PHF21A: variants seen among roughly 807,000 people sequenced by gnomAD.
The protein encoded by PHF21A is PHD finger protein 21A.
Under a neutral mutation model 82.5 loss-of-function variants are expected in PHF21A, and 11 were observed. The ratio of observed to expected loss-of-function variants is 0.13; its 90% CI spans 0.08 to 0.22. The LOEUF is 0.22. PHF21A is among the 10% of genes least tolerant of loss of function. The pLI, the probability that PHF21A is intolerant of heterozygous loss-of-function variation, is 1.00. For synonymous variants in PHF21A, 297 were observed against 302.8 expected (o/e 0.98, Z 0.20); for missense variants, 579 against 837.8 (o/e 0.69, Z 3.81).
At chr11:46,111,121 G>A (rs533499006) in intron 1 of PHF21A, among the ~76,000 whole-genome samples, 1 of 151,400 alleles carries the variant, frequency 6.6e-6, no homozygotes, top group African/African-American at 2.4e-5. Context: ...ATGTGGGGGG[G>A]GAGGCTAGTA....
intron 9 of PHF21A, among the ~76,000 whole-genome samples, chr11:45,968,015 T>C (rs79135806): frequency 0.036 from 5,490 of 152,300 alleles, 276 homozygotes; most frequent in African/African-American, 0.11. Flanking sequence ...TTGAAAAACA[T>C]GGACTAAACC....
At position 46,049,689 on chromosome 11, in the gene PHF21A, C is replaced by T. The variant is rs980732717; in HGVS notation, c.153+27065G>A. On this transcript the variant is annotated intron_variant, in intron 6 of 18. Coordinates refer to ENST00000676320, the MANE Select transcript of PHF21A (RefSeq NM_001352027.3). ...ACAGCTGCAAGTGACAAAGAGCAGC[C>T]GCTGTCCTACTCAGGGGGTCCCCTC... Among the ~76,000 whole-genome samples the T allele has an allele frequency of 7.2e-5, 11 of 152,320 alleles. 1 individual carries two copies. In the South Asian group the frequency reaches 1.7e-3, roughly 23 times the overall value.
At chr11:45,982,150 T>A (rs1259887897) in intron 6 of PHF21A, among the ~76,000 whole-genome samples, 2 of 152,034 alleles carry the variant, frequency 1.3e-5, no homozygotes, top group African/African-American at 4.8e-5. Flanking sequence ...AGAGATGGGG[T>A]TTCGCCATGT....
intron 10 of PHF21A, among the ~76,000 whole-genome samples, chr11:45,962,030 A>ATT (rs1031388729): frequency 2.0e-4 from 30 of 152,288 alleles, no homozygotes; most frequent in African/African-American, 7.0e-4. Context: ...TATAACTGGC[A>ATT]TTGCCTTCTC....
At chr11:45,985,856 G>T (rs1029989541) in intron 6 of PHF21A, among the ~76,000 whole-genome samples, 1 of 151,956 alleles carries the variant, frequency 6.6e-6, no homozygotes, top group African/African-American at 2.4e-5. Flanking sequence ...GAGATTTGGG[G>T]ACATAATTAT....
intron 6 of PHF21A, among the ~76,000 whole-genome samples, chr11:46,023,747 G>A (rs2095679116): frequency 6.6e-6 from 1 of 152,218 alleles, no homozygotes; most frequent in African/African-American, 2.4e-5. Context: ...CCTGAGGTCA[G>A]GAGTTTGAGA....
At chr11:46,049,340 T>TCA (rs2096308986) in intron 6 of PHF21A, 1 of 420,876 alleles carries the variant, frequency 2.4e-6, no homozygotes, top group Admixed American at 2.8e-5. Flanking sequence ...AGTTATGAAA[T>TCA]TTCTTATGCC....
intron 10 of PHF21A, among the ~76,000 whole-genome samples, chr11:45,962,879 C>T (rs1050201405): frequency 6.6e-6 from 1 of 150,584 alleles, no homozygotes; most frequent in South Asian, 2.1e-4. Context: ...GGCGACAGAG[C>T]GAGACTCTGT....
intron 14 of PHF21A, among the ~76,000 whole-genome samples, chr11:45,946,678 T>C (rs1447910234): frequency 6.6e-6 from 1 of 152,158 alleles, no homozygotes; most frequent in Non-Finnish European, 1.5e-5. Flanking sequence ...CCTGGCCGAA[T>C]TTATTATTTT....
In PHF21A at chr11:45,953,718, G is replaced by A. The variant is rs948370870; in HGVS notation, c.997-93C>T. 4.0e-6 allele frequency: 3 copies of A among 749,050 alleles called. No individual in the cohort carries two copies. In the African/African-American group the frequency reaches 5.3e-5, roughly 13 times the overall value. The allele number at this position is 749,050 out of a possible 1,614,324, so 46.4% of individuals were successfully genotyped here. A position where few individuals can be genotyped will look rare whatever the true frequency, so the allele number is the denominator to read the frequency against. On this transcript the variant is annotated intron_variant, in intron 10 of 18. Transcript: ENST00000676320. ...TTTAATAGTAGTAGTCAAGAAGAAA[G>A]AAGACAACATATTCAAATGTGGAAC... is the stretch of plus-strand genomic sequence containing the variant.
At chr11:45,946,675 G>A (rs184751694) in intron 14 of PHF21A, among the ~76,000 whole-genome samples, 8 of 152,156 alleles carry the variant, frequency 5.3e-5, no homozygotes, top group South Asian at 2.1e-4. Context: ...GCACCTGGCC[G>A]AATTTATTAT....
chr11:46,079,510 C>T (rs1328640954), intron 4 of PHF21A, among the ~76,000 whole-genome samples: 1 of 152,214 alleles, frequency 6.6e-6, no homozygotes, highest in East Asian at 1.9e-4. Flanking sequence ...GAGTCCCAAA[C>T]AAGGCCTGGA....
chr11:46,072,825 GA>G (rs1459493623), intron 6 of PHF21A, among the ~76,000 whole-genome samples: 3 of 152,142 alleles, frequency 2.0e-5, no homozygotes, highest in Non-Finnish European at 4.4e-5. Flanking sequence ...CTGCAACCAC[GA>G]TGGCTTAACC....
In PHF21A at chr11:45,955,830, A is replaced by G. The variant is rs538343644; in HGVS notation, c.997-2205T>C. ...GGAGAGGCCCAGGTGTGAGGAACGGAACCTCCAGCCAACAGCCAGTGAAGA... is the reference window on the plus strand; with the variant it reads ...GGAGAGGCCCAGGTGTGAGGAACGGGACCTCCAGCCAACAGCCAGTGAAGA... On this transcript the variant is annotated intron_variant, in intron 10 of 18. Coordinates refer to ENST00000676320, the MANE Select transcript of PHF21A (RefSeq NM_001352027.3). 4.6e-5 allele frequency among the ~76,000 whole-genome samples: 7 copies of G among 152,320 alleles called. No individual in the cohort carries two copies. The East Asian group carries it at 1.4e-3, about 29-fold the overall frequency.
rs60788619 is a variant in PHF21A, at chr11:46,121,181, ACT to A, written c.-485_-484del. 0.024 allele frequency: 2,973 copies of A among 126,324 alleles called. 52 individuals are homozygous for A. Among genetic ancestry groups the A allele is most frequent in the Non-Finnish European group, 0.032 (1,958 of 61,498 alleles). The allele number at this position is 126,324 out of a possible 1,614,324, so 7.8% of individuals were successfully genotyped here. ...CTCTCCTCTCCTCTCTCTCTCACTC[ACT>A]CTCTCTCTCTCTCTCTCTCTGGGCT... On this transcript the variant is annotated 5_prime_UTR_variant, in exon 1 of 19. Coordinates refer to ENST00000676320, the MANE Select transcript of PHF21A (RefSeq NM_001352027.3).
At chr11:46,081,307 A>G (rs2096788280) in intron 4 of PHF21A, among the ~76,000 whole-genome samples, 1 of 152,316 alleles carries the variant, frequency 6.6e-6, no homozygotes, top group African/African-American at 2.4e-5. Context: ...GAAACAATAC[A>G]TATTCCAAGA....
chr11:46,068,174 C>T (rs1229460796), intron 6 of PHF21A, among the ~76,000 whole-genome samples: 1 of 152,106 alleles, frequency 6.6e-6, no homozygotes, highest in Admixed American at 6.5e-5. Context: ...TAGGTCATAA[C>T]CAGTCACATG....
intron 1 of PHF21A, among the ~76,000 whole-genome samples, chr11:46,094,273 T>G (rs1016959648): frequency 9.9e-5 from 15 of 152,150 alleles, no homozygotes; most frequent in African/African-American, 3.6e-4. Context: ...GATAAAGAAT[T>G]TTGCCATGAT....
chr11:46,104,160 A>AGG (rs1302552225), intron 1 of PHF21A, among the ~76,000 whole-genome samples: 1 of 152,246 alleles, frequency 6.6e-6, no homozygotes, highest in East Asian at 1.9e-4. Context: ...GCCCATCATT[A>AGG]TTAGAAAGCA....
Sources: allele counts gnomAD v4.1 joint callset (sites outside exome capture counted in the v4.1 genomes callset), GRCh38; gene constraint gnomAD v4.1.1; transcripts MANE v1.5; gene names NCBI Gene and HGNC (gene_info 2026-07-23, HGNC 2026-07-21).